Variants in JPT1 observed in about 807,000 individuals in gnomAD.
JPT1 encodes Jupiter microtubule associated homolog 1.
Under a neutral mutation model 17.0 loss-of-function variants are expected in JPT1, and 5 were observed. The ratio of observed to expected loss-of-function variants is 0.29; its 90% CI spans 0.15 to 0.62. The LOEUF is 0.62. Among genes scored for constraint, JPT1 ranks in the 20% least tolerant of loss-of-function variants. JPT1 has a pLI of 0.85. For missense variants in JPT1, 158 were observed against 188.1 expected (o/e 0.84, Z 0.94); for synonymous variants, 71 against 73.6 (o/e 0.96, Z 0.18).
intron 4 of JPT1, among the ~76,000 whole-genome samples, chr17:75,144,570 T>TCCCTGAGTTCTTTCTGTGA (rs1201173142): frequency 6.6e-6 from 1 of 152,154 alleles, no homozygotes; most frequent in Non-Finnish European, 1.5e-5. Flanking sequence ...CATAAGTGTT[T>TCCCTGAGTTCTTTCTGTGA]CCCTGAGTTC....
intron 4 of JPT1, 83 bp from the exon 5 acceptor site, chr17:75,136,333 T>C: frequency 1.4e-6 from 2 of 1,421,262 alleles, no homozygotes; most frequent in South Asian, 3.0e-5. Context: ...CTTTTTCTTT[T>C]TTTTTTGGTT....
At chr17:75,149,414 C>A (rs1465933884) in intron 1 of JPT1, among the ~76,000 whole-genome samples, 2 of 152,168 alleles carry the variant, frequency 1.3e-5, no homozygotes, top group Non-Finnish European at 2.9e-5. Context: ...GTCGCCCAGG[C>A]TGGAGTGCAG....
intron 4 of JPT1, chr17:75,141,223 T>G (rs894760076): frequency 3.9e-5 from 6 of 152,248 alleles, no homozygotes; most frequent in African/African-American, 1.4e-4. Context: ...GAGTGGTGAT[T>G]GTGCCACTGC....
At chr17:75,149,525 G>A (rs1197515853) in intron 1 of JPT1, among the ~76,000 whole-genome samples, 4 of 151,900 alleles carry the variant, frequency 2.6e-5, no homozygotes, top group Non-Finnish European at 4.4e-5. Flanking sequence ...CCGCCACCAC[G>A]CCCAGCTAAT....
At chr17:75,136,415 C>A (rs2145153684) in intron 4 of JPT1, 165 bp from the exon 5 acceptor site, 1 of 589,658 alleles carries the variant, frequency 1.7e-6, no homozygotes, top group Non-Finnish European at 2.9e-6. Context: ...ACAGAATTAA[C>A]CATTGTTCAT....
intron 4 of JPT1, among the ~76,000 whole-genome samples, chr17:75,136,771 T>C (rs2074206520): frequency 6.6e-6 from 1 of 152,326 alleles, no homozygotes. Context: ...ATTACAGGCG[T>C]GAGCCACCGC....
At chr17:75,144,376 G>A (rs1332305461) in intron 4 of JPT1, among the ~76,000 whole-genome samples, 2 of 152,064 alleles carry the variant, frequency 1.3e-5, no homozygotes, top group African/African-American at 2.4e-5. Context: ...AGCCAGGCAT[G>A]GTGGCATACA....
At chr17:75,142,756 G>T (rs1340225104) in intron 4 of JPT1, 1 of 456,148 alleles carries the variant, frequency 2.2e-6, no homozygotes. Context: ...AAAAAACCTA[G>T]ATTTTACCTC....
intron 1 of JPT1, chr17:75,154,127 A>C: frequency 2.0e-5 from 5 of 254,166 alleles, no homozygotes; most frequent in Non-Finnish European, 3.7e-5. Context: ...CGTGGAAGGA[A>C]TGAATGGAGA....
intron 4 of JPT1, among the ~76,000 whole-genome samples, chr17:75,137,024 A>G (rs1430974070): frequency 6.6e-6 from 1 of 152,226 alleles, no homozygotes; most frequent in African/African-American, 2.4e-5. Context: ...AAATGTATCC[A>G]TATTTACAAA....
intron 4 of JPT1, among the ~76,000 whole-genome samples, chr17:75,144,760 G>C (rs1598199369): frequency 6.6e-6 from 1 of 152,142 alleles, no homozygotes; most frequent in Non-Finnish European, 1.5e-5. Flanking sequence ...CAGGCAGAGG[G>C]TGTGGAAACT....
intron 4 of JPT1, among the ~76,000 whole-genome samples, chr17:75,146,185 ACT>A (rs2074430614): frequency 6.6e-6 from 1 of 152,106 alleles, no homozygotes; most frequent in Admixed American, 6.6e-5. Flanking sequence ...GCAAGGTCTC[ACT>A]CTGTCACCCA....
chr17:75,151,843 C>A (rs918072990), intron 1 of JPT1, among the ~76,000 whole-genome samples: 5 of 151,904 alleles, frequency 3.3e-5, no homozygotes, highest in African/African-American at 1.2e-4. Context: ...TTGGCACATG[C>A]CTGTAATCTC....
intron 4 of JPT1, among the ~76,000 whole-genome samples, chr17:75,137,685 CTTTTTTTTTTTTTTTTTTT>C (rs60118585): frequency 1.6e-4 from 18 of 112,846 alleles, no homozygotes; most frequent in African/African-American, 8.7e-4. Flanking sequence ...CCTAGTTTTC[CTTTTTTTTTTTTTTTTTTT>C]TTTTTTTTGA....
At chr17:75,136,340 G>A in intron 4 of JPT1, 90 bp from the exon 5 acceptor site, 3 of 1,264,402 alleles carry the variant, frequency 2.4e-6, no homozygotes, top group South Asian at 1.7e-5. Context: ...TTTTTTTTTT[G>A]GTTTGATGGT....
chr17:75,137,540 T>A (rs539732389), intron 4 of JPT1, among the ~76,000 whole-genome samples: 9 of 151,748 alleles, frequency 5.9e-5, no homozygotes, highest in East Asian at 1.9e-4. Context: ...TTTTTTTTTT[T>A]TTTTATTTTT....
Position 75,142,612 on chromosome 17 carries a change from AGAGAGGAG to A in JPT1, c.316+4046_316+4053del, listed in dbSNP as rs1461698969. ...GAGGGAGGGAGGGAGGGGAAGGGGG[AGAGAGGAG>A]GGGAGGGAGGGGAGGGAGGGGAGGG... On this transcript the variant is annotated intron_variant, in intron 4 of 4. Coordinates refer to ENST00000409753, the MANE Select transcript of JPT1 (RefSeq NM_016185.4). 105 of 177,752 alleles carry A rather than the reference AGAGAGGAG, an allele frequency of 5.9e-4. 1 individual carries two copies. The African/African-American group carries it at 0.013, about 21-fold the overall frequency. The allele number at this position is 177,752 out of a possible 1,614,324, so 11.0% of individuals were successfully genotyped here.
In JPT1 at chr17:75,139,918, G is replaced by A. The variant is rs1485783274; in HGVS notation, c.317-3668C>T. On this transcript the variant is annotated intron_variant, in intron 4 of 4. Transcript: ENST00000409753. ...AATGAGATAAGTACAGGAATTGAGA[G>A]TAAGTGTTCAGAAACTTTGATTTAT... is the stretch of plus-strand genomic sequence containing the variant. Among the ~76,000 whole-genome samples, 4 of 152,222 alleles carry A rather than the reference G, an allele frequency of 2.6e-5. No homozygotes were observed. In the East Asian group the frequency reaches 7.7e-4, roughly 29 times the overall value.
At chr17:75,151,924 G>C (rs1366402318) in intron 1 of JPT1, among the ~76,000 whole-genome samples, 1 of 150,538 alleles carries the variant, frequency 6.6e-6, no homozygotes, top group Non-Finnish European at 1.5e-5. Context: ...AGCAGAGATT[G>C]TGCCACTGCA....
Sources: gnomAD v4.1 joint callset for allele counts (sites outside exome capture counted in the v4.1 genomes callset) on GRCh38, gnomAD v4.1.1 for gene constraint, MANE v1.5 for transcripts, NCBI Gene and HGNC (gene_info 2026-07-23, HGNC 2026-07-21) for gene names.